Variants in MTHFD2L observed in about 807,000 individuals in gnomAD.
MTHFD2L encodes bifunctional methylenetetrahydrofolate dehydrogenase/cyclohydrolase 2, mitochondrial.
Under a neutral mutation model 34.9 loss-of-function variants are expected in MTHFD2L, and 29 were observed. That is an observed-to-expected ratio of 0.83 (90% CI 0.62 to 1.13). The LOEUF (loss-of-function observed/expected upper bound fraction) is 1.13. MTHFD2L is among the 50% of genes most tolerant of loss of function. MTHFD2L has a pLI of 0.00. For missense variants in MTHFD2L, 481 were observed against 446.5 expected, an observed-to-expected ratio of 1.08 and a Z score of -0.70; for synonymous variants, 167 against 155.7, an observed-to-expected ratio of 1.07 and a Z score of -0.54.
intron 5 of MTHFD2L, among the ~76,000 whole-genome samples, chr4:74,220,995 T>C (rs1578516100): frequency 6.6e-6 from 1 of 151,272 alleles, no homozygotes; most frequent in South Asian, 2.1e-4. Context: ...TAGGATCTAA[T>C]ATGAAGTGTT....
At chr4:74,148,846 C>T (rs1723764624) in intron 1 of MTHFD2L, among the ~76,000 whole-genome samples, 1 of 151,712 alleles carries the variant, frequency 6.6e-6, no homozygotes, top group Non-Finnish European at 1.5e-5. Context: ...GGCTTGTTTA[C>T]ATTTAGATTT....
chr4:74,286,969 T>C (rs1021574408), intron 7 of MTHFD2L, among the ~76,000 whole-genome samples: 2 of 152,152 alleles, frequency 1.3e-5, no homozygotes, highest in Non-Finnish European at 2.9e-5. Flanking sequence ...TAAAAATAAA[T>C]GAGGTTAATG....
chr4:74,266,414 A>C (rs1323131477), intron 6 of MTHFD2L, among the ~76,000 whole-genome samples: 1 of 152,202 alleles, frequency 6.6e-6, no homozygotes, highest in Non-Finnish European at 1.5e-5. Context: ...GACAGTGTCT[A>C]AGGCATCTGC....
Position 74,271,643 on chromosome 4 carries a change from G to C in MTHFD2L, c.806-9782G>C, listed in dbSNP as rs148840459. On this transcript the variant is annotated intron_variant, in intron 6 of 7. Transcript: ENST00000325278. Reference sequence around the variant, plus strand: ...TGTTCTTTTGGCTTAGGATTGTCTTGGCAGTGCGGGCTCTTTTTTGGTTCC... The same window carrying C: ...TGTTCTTTTGGCTTAGGATTGTCTTCGCAGTGCGGGCTCTTTTTTGGTTCC... 8.8e-3 allele frequency among the ~76,000 whole-genome samples: 1,339 copies of C among 152,252 alleles called. 28 individuals are homozygous for C. The highest frequency in any genetic ancestry group is 0.065 in the South Asian group (312 of 4,814).
At chr4:74,121,595 T>C (rs1202702141), upstream of MTHFD2L, among the ~76,000 whole-genome samples, 2 of 145,268 alleles carry the variant, frequency 1.4e-5, no homozygotes, top group Admixed American at 7.0e-5. Flanking sequence ...TATTTAATTA[T>C]ATATAATTAA....
chr4:74,139,442 G>A (rs1723149584), intron 1 of MTHFD2L, among the ~76,000 whole-genome samples: 1 of 152,160 alleles, frequency 6.6e-6, no homozygotes, highest in South Asian at 2.1e-4. Context: ...GTCCTCAGGG[G>A]TATTTCTCCC....
chr4:74,245,120 G>A lies in MTHFD2L; in HGVS notation c.805+19726G>A, dbSNP rs186717690. 3.8e-3 allele frequency among the ~76,000 whole-genome samples: 563 copies of A among 149,666 alleles called. 24 individuals carry two copies. The East Asian group carries it at 0.095, about 25-fold the overall frequency. ...TGAGGCAGGAGAATGGCATGAACCCGGGAGGCAGAGCTTGCAGTGAGCTGA... is the reference window on the plus strand; with the variant it reads ...TGAGGCAGGAGAATGGCATGAACCCAGGAGGCAGAGCTTGCAGTGAGCTGA... On this transcript the variant is annotated intron_variant, in intron 6 of 7. Coordinates refer to ENST00000325278, the MANE Select transcript of MTHFD2L (RefSeq NM_001144978.3).
intron 7 of MTHFD2L, among the ~76,000 whole-genome samples, chr4:74,291,304 C>T (rs749697388): frequency 6.6e-6 from 1 of 151,838 alleles, no homozygotes. Context: ...CATGAGCCTT[C>T]GTGCCTGGCC....
chr4:74,231,174 C>T (rs1415056458), intron 6 of MTHFD2L, among the ~76,000 whole-genome samples: 1 of 152,112 alleles, frequency 6.6e-6, no homozygotes, highest in African/African-American at 2.4e-5. Context: ...AATATTCATA[C>T]TTACTTGTCA....
At chr4:74,129,155 A>G (rs969396496) in intron 1 of MTHFD2L, among the ~76,000 whole-genome samples, 103 of 152,104 alleles carry the variant, frequency 6.8e-4, no homozygotes, top group African/African-American at 2.3e-3. Flanking sequence ...CTTAGATCAC[A>G]AATGAAATAG....
At chr4:74,233,541 C>T (rs1740401913) in intron 6 of MTHFD2L, among the ~76,000 whole-genome samples, 1 of 151,796 alleles carries the variant, frequency 6.6e-6, no homozygotes, top group Non-Finnish European at 1.5e-5. Context: ...GTGGTGAGCT[C>T]CTATTGTGTG....
chr4:74,179,677 G>C (rs1426318695), intron 3 of MTHFD2L, among the ~76,000 whole-genome samples: 32 of 152,060 alleles, frequency 2.1e-4, no homozygotes, highest in Admixed American at 2.1e-3. Flanking sequence ...CATATAGTTT[G>C]TTAGTTAATA....
intron 7 of MTHFD2L, 27 bp from the exon 8 acceptor site, chr4:74,301,670 T>C: frequency 7.5e-7 from 1 of 1,325,846 alleles, no homozygotes; most frequent in Non-Finnish European, 1.1e-6. Context: ...AAATAAAGAA[T>C]ATCTGTTTGT....
At chr4:74,288,072 T>C (rs1748421897) in intron 7 of MTHFD2L, among the ~76,000 whole-genome samples, 1 of 152,206 alleles carries the variant, frequency 6.6e-6, no homozygotes, top group African/African-American at 2.4e-5. Flanking sequence ...CCAAATTTCC[T>C]CTTCTTAGAA....
intron 1 of MTHFD2L, among the ~76,000 whole-genome samples, chr4:74,142,157 G>A (rs1297189586): frequency 6.6e-6 from 1 of 152,184 alleles, no homozygotes; most frequent in Non-Finnish European, 1.5e-5. Context: ...TGTTTGATTG[G>A]AGAGCATAGC....
At chr4:74,142,705 T>C (rs1283613011) in intron 1 of MTHFD2L, among the ~76,000 whole-genome samples, 1 of 152,232 alleles carries the variant, frequency 6.6e-6, no homozygotes, top group Admixed American at 6.5e-5. Flanking sequence ...TGGCTCCAAG[T>C]ACCTCCTTTC....
At chr4:74,290,788 A>G (rs1328208318) in intron 7 of MTHFD2L, among the ~76,000 whole-genome samples, 5 of 151,744 alleles carry the variant, frequency 3.3e-5, no homozygotes, top group African/African-American at 4.8e-5. Flanking sequence ...ACTCTCTTCC[A>G]GTGTAGTCTG....
At chr4:74,126,866 A>G (rs1033945286) in intron 1 of MTHFD2L, among the ~76,000 whole-genome samples, 1 of 152,090 alleles carries the variant, frequency 6.6e-6, no homozygotes, top group African/African-American at 2.4e-5. Flanking sequence ...CTGTTTCCCC[A>G]TCCAAATCTC....
At chr4:74,133,052 C>T (rs912343096) in intron 1 of MTHFD2L, among the ~76,000 whole-genome samples, 7 of 152,090 alleles carry the variant, frequency 4.6e-5, no homozygotes, top group African/African-American at 1.7e-4. Flanking sequence ...TGAAGAATTC[C>T]CTTTAGCATT....
Sources: gnomAD v4.1 joint callset for allele counts (sites outside exome capture counted in the v4.1 genomes callset) on GRCh38, gnomAD v4.1.1 for gene constraint, MANE v1.5 for transcripts, NCBI Gene and HGNC (gene_info 2026-07-23, HGNC 2026-07-21) for gene names.